WWOX: variants seen among roughly 807,000 people sequenced by gnomAD.
WWOX encodes the protein WW domain-containing oxidoreductase.
A neutral mutation model predicts 46.2 loss-of-function variants in WWOX; 69 were observed. The observed-to-expected ratio is 1.49, with a 90% confidence interval of 1.23 to 1.82. The LOEUF (loss-of-function observed/expected upper bound fraction) is 1.82. Among genes scored for constraint, WWOX ranks in the 40% most tolerant of loss-of-function variants. WWOX has a pLI of 0.00. For synonymous variants in WWOX, 359 were observed against 202.6 expected, an observed-to-expected ratio of 1.77 and a Z score of -6.56; for missense variants, 919 against 542.6, an observed-to-expected ratio of 1.69 and a Z score of -6.89.
intron 8 of WWOX, among the ~76,000 whole-genome samples, chr16:79,027,741 C>G (rs1193133729): frequency 2.0e-5 from 3 of 150,496 alleles, no homozygotes; most frequent in Middle Eastern, 7.0e-3. Context: ...CAGAATGTCT[C>G]TTTTTTGATT....
chr16:79,075,537 C>T (rs77640346), intron 8 of WWOX, among the ~76,000 whole-genome samples: 6,238 of 125,952 alleles, frequency 0.05, 246 homozygotes, highest in African/African-American at 0.12. Flanking sequence ...GCGATTTTTC[C>T]TTTCTCTCTC....
chr16:78,625,655 T>G (rs551226341), intron 8 of WWOX, among the ~76,000 whole-genome samples: 2 of 151,882 alleles, frequency 1.3e-5, no homozygotes, highest in South Asian at 4.2e-4. Flanking sequence ...GTTTTTGCCA[T>G]TAAAAGTAAT....
At chr16:78,987,068 G>A (rs1054620563) in intron 8 of WWOX, among the ~76,000 whole-genome samples, 2 of 152,118 alleles carry the variant, frequency 1.3e-5, no homozygotes, top group African/African-American at 4.8e-5. Context: ...CAGCGCCATG[G>A]TTATTTAAGT....
intron 5 of WWOX, among the ~76,000 whole-genome samples, chr16:78,380,421 G>A (rs2081928456): frequency 6.6e-6 from 1 of 152,108 alleles, no homozygotes; most frequent in Admixed American, 6.6e-5. Flanking sequence ...GATGCTATAG[G>A]GATAAATAAC....
intron 8 of WWOX, among the ~76,000 whole-genome samples, chr16:78,713,675 C>G (rs1221694011): frequency 6.6e-6 from 1 of 152,188 alleles, no homozygotes; most frequent in Non-Finnish European, 1.5e-5. Context: ...AGGTGGCTGT[C>G]TGCAAGCCAA....
At chr16:78,688,820 A>C (rs1283944804) in intron 8 of WWOX, among the ~76,000 whole-genome samples, 1 of 152,138 alleles carries the variant, frequency 6.6e-6, no homozygotes, top group Non-Finnish European at 1.5e-5. Context: ...GGAGGGACCC[A>C]GTGGGAGGTG....
chr16:78,956,006 A>G (rs551401069), intron 8 of WWOX, among the ~76,000 whole-genome samples: 1 of 151,916 alleles, frequency 6.6e-6, no homozygotes, highest in East Asian at 1.9e-4. Flanking sequence ...AAAAACACAA[A>G]AAAAACTTTT....
At chr16:78,937,448 CTTTTTTTT>C (rs537642648) in intron 8 of WWOX, among the ~76,000 whole-genome samples, 1 of 81,988 alleles carries the variant, frequency 1.2e-5, no homozygotes, top group Non-Finnish European at 2.2e-5. Context: ...TTTGTATTAA[CTTTTTTTT>C]TTTTTTTTTT....
intron 8 of WWOX, among the ~76,000 whole-genome samples, chr16:78,643,069 C>G (rs531851143): frequency 1.3e-5 from 2 of 152,152 alleles, no homozygotes; most frequent in Non-Finnish European, 2.9e-5. Flanking sequence ...TTAACCCCAA[C>G]TAGATAAGCC....
chr16:78,357,408 T>A (rs1195941208), intron 5 of WWOX, among the ~76,000 whole-genome samples: 1 of 152,164 alleles, frequency 6.6e-6, no homozygotes, highest in African/African-American at 2.4e-5. Flanking sequence ...CACTTCTCTT[T>A]CCAGTGGTGT....
At chr16:78,849,086 G>T (rs891581712) in intron 8 of WWOX, among the ~76,000 whole-genome samples, 19 of 152,044 alleles carry the variant, frequency 1.2e-4, no homozygotes, top group African/African-American at 3.9e-4. Context: ...AGCTCCCCAG[G>T]GTCTACTTGG....
At chr16:78,918,159 G>A (rs1334250045) in intron 8 of WWOX, among the ~76,000 whole-genome samples, 3 of 152,158 alleles carry the variant, frequency 2.0e-5, no homozygotes, top group Non-Finnish European at 4.4e-5. Context: ...GGAGGTTGAG[G>A]CTGCAGTGAG....
intron 1 of WWOX, among the ~76,000 whole-genome samples, chr16:78,106,936 C>T (rs560748184): frequency 2.8e-4 from 42 of 152,306 alleles, no homozygotes; most frequent in African/African-American, 5.8e-4. Context: ...AGGTCTTCAG[C>T]GTGCTGAGTG....
chr16:78,320,060 G>A (rs1349033149), intron 5 of WWOX, among the ~76,000 whole-genome samples: 1 of 152,182 alleles, frequency 6.6e-6, no homozygotes, highest in Non-Finnish European at 1.5e-5. Context: ...TTGGGTGAGA[G>A]TATTTGTTTC....
chr16:78,422,760 CATATATAT>C (rs1405236548), intron 6 of WWOX, among the ~76,000 whole-genome samples: 6 of 113,892 alleles, frequency 5.3e-5, no homozygotes, highest in African/African-American at 3.1e-4. Context: ...CATATATACA[CATATATAT>C]ACACACATAT....
At chr16:78,652,623 A>C (rs1001207833) in intron 8 of WWOX, among the ~76,000 whole-genome samples, 5 of 152,130 alleles carry the variant, frequency 3.3e-5, no homozygotes, top group African/African-American at 1.2e-4. Context: ...TCCTGCCATC[A>C]TTAGCACACA....
At chr16:79,119,461 C>T (rs182938866) in intron 8 of WWOX, among the ~76,000 whole-genome samples, 231 of 152,280 alleles carry the variant, frequency 1.5e-3, no homozygotes, top group African/African-American at 5.0e-3. Context: ...GAGTGCCATC[C>T]GCGCTCCATG....
At chr16:78,883,275 C>G (rs59034417) in intron 8 of WWOX, among the ~76,000 whole-genome samples, 2,584 of 152,192 alleles carry the variant, frequency 0.017, 75 homozygotes, top group African/African-American at 0.058. Context: ...GACCCTCTCT[C>G]TCATCAGTAA....
intron 8 of WWOX, among the ~76,000 whole-genome samples, chr16:79,030,607 C>A (rs190520866): frequency 6.6e-6 from 1 of 152,328 alleles, no homozygotes; most frequent in Admixed American, 6.5e-5. Context: ...TTGGCTTCTC[C>A]AAAGATTAGA....
Sources: allele counts gnomAD v4.1 joint callset (sites outside exome capture counted in the v4.1 genomes callset), GRCh38; gene constraint gnomAD v4.1.1; transcripts MANE v1.5; gene names NCBI Gene and HGNC (gene_info 2026-07-23, HGNC 2026-07-21).